GAREM1: variants seen among roughly 807,000 people sequenced by gnomAD.
The protein encoded by GAREM1 is GRB2 associated regulator of MAPK1 subtype 1.
A neutral mutation model predicts 71.3 loss-of-function variants in GAREM1; 26 were observed. The ratio of observed to expected loss-of-function variants is 0.36; its 90% CI spans 0.27 to 0.51. The LOEUF (loss-of-function observed/expected upper bound fraction) is 0.51, where lower values mean the gene tolerates loss of function less well. Ranked by LOEUF, GAREM1 falls within the 20% of genes least tolerant of loss-of-function variation. The pLI is 0.95. For missense variants in GAREM1, 1,026 were observed against 1,103.1 expected, an observed-to-expected ratio of 0.93 and a Z score of 0.99; for synonymous variants, 440 against 433.2, an observed-to-expected ratio of 1.02 and a Z score of -0.20.
chr18:32,343,311 G>GTTTTTTTGTTTTTTTTTTTTTTTTTTTTT (rs2047664721), intron 2 of GAREM1, among the ~76,000 whole-genome samples: 2 of 118,884 alleles, frequency 1.7e-5, no homozygotes, highest in African/African-American at 6.7e-5. Context: ...CTCCCCCACT[G>GTTTTTTTGTTTTTTTTTTTTTTTTTTTTT]TTTTTTTTTT....
At chr18:32,417,772 CA>C (rs886958824) in intron 1 of GAREM1, among the ~76,000 whole-genome samples, 2 of 150,702 alleles carry the variant, frequency 1.3e-5, no homozygotes, top group Non-Finnish European at 3.0e-5. Context: ...TGGACACACA[CA>C]AAAAAAGTAA....
chr18:32,286,963 A>T, intron 4 of GAREM1, 68 bp downstream of exon 4: 1 of 1,191,458 alleles, frequency 8.4e-7, no homozygotes, highest in Non-Finnish European at 1.2e-6. Flanking sequence ...TTAAGAAAAT[A>T]AATTAGTGGA....
intron 1 of GAREM1, among the ~76,000 whole-genome samples, chr18:32,461,327 T>C (rs2048952237): frequency 6.6e-6 from 1 of 152,130 alleles, no homozygotes; most frequent in Non-Finnish European, 1.5e-5. Context: ...GAAATTCAAG[T>C]AAGCAATTCT....
At chr18:32,451,904 C>T (rs892636751) in intron 1 of GAREM1, among the ~76,000 whole-genome samples, 1 of 152,190 alleles carries the variant, frequency 6.6e-6, no homozygotes, top group Non-Finnish European at 1.5e-5. Context: ...GATGCAGTGA[C>T]AGAGCCAGCT....
intron 4 of GAREM1, among the ~76,000 whole-genome samples, chr18:32,286,360 A>T (rs972315372): frequency 1.6e-5 from 2 of 127,056 alleles, no homozygotes; most frequent in African/African-American, 6.5e-5. Context: ...GTGTGTGTGT[A>T]TAATACATTA....
chr18:32,315,536 G>GATAT (rs10638609), intron 2 of GAREM1, among the ~76,000 whole-genome samples: 8 of 145,192 alleles, frequency 5.5e-5, no homozygotes, highest in African/African-American at 1.3e-4. Flanking sequence ...TATAAAAGTA[G>GATAT]ATATATATAT....
chr18:32,459,057 C>T (rs977257639), intron 1 of GAREM1, among the ~76,000 whole-genome samples: 1 of 151,990 alleles, frequency 6.6e-6, no homozygotes, highest in Admixed American at 6.6e-5. Flanking sequence ...AACAGAATTC[C>T]ATTCAGTCAC....
intron 1 of GAREM1, among the ~76,000 whole-genome samples, chr18:32,400,796 C>G (rs1004765280): frequency 1.3e-5 from 2 of 152,118 alleles, no homozygotes; most frequent in Non-Finnish European, 2.9e-5. Flanking sequence ...ACTAGAAATA[C>G]CATTTGACCC....
intron 1 of GAREM1, among the ~76,000 whole-genome samples, chr18:32,395,649 A>G (rs2048246169): frequency 6.6e-6 from 1 of 152,212 alleles, no homozygotes; most frequent in African/African-American, 2.4e-5. Flanking sequence ...CTTGAGAGTG[A>G]GGTGGGTTCA....
intron 1 of GAREM1, among the ~76,000 whole-genome samples, chr18:32,405,000 T>C (rs2048352762): frequency 6.6e-6 from 1 of 152,212 alleles, no homozygotes; most frequent in Admixed American, 6.5e-5. Context: ...GCACTTAATA[T>C]AAATTTAAGA....
chr18:32,430,636 A>G (rs1024563447), intron 1 of GAREM1, among the ~76,000 whole-genome samples: 11 of 152,250 alleles, frequency 7.2e-5, no homozygotes, highest in African/African-American at 2.7e-4. Flanking sequence ...AAAAGTACAC[A>G]GCAGCCAGGA....
chr18:32,339,753 G>T (rs7236432), intron 2 of GAREM1, among the ~76,000 whole-genome samples: 11,107 of 152,246 alleles, frequency 0.073, 623 homozygotes, highest in African/African-American at 0.15. Context: ...CTTCCCAAAT[G>T]AAAGTCAAAA....
chr18:32,382,195 C>T (rs1187811200), intron 2 of GAREM1, among the ~76,000 whole-genome samples: 1 of 152,098 alleles, frequency 6.6e-6, no homozygotes, highest in Non-Finnish European at 1.5e-5. Flanking sequence ...TAGGACTGTC[C>T]TCAAGGAGCC....
At chr18:32,298,544 G>A (rs779830740) in intron 3 of GAREM1, among the ~76,000 whole-genome samples, 3 of 152,018 alleles carry the variant, frequency 2.0e-5, no homozygotes, top group Non-Finnish European at 4.4e-5. Context: ...GTCTGATCCA[G>A]GAAACTATCA....
chr18:32,374,467 T>C (rs1032194650), intron 2 of GAREM1, among the ~76,000 whole-genome samples: 3 of 152,258 alleles, frequency 2.0e-5, no homozygotes, highest in East Asian at 3.8e-4. Context: ...GCTGCACTGA[T>C]AGTAATCAAG....
At chr18:32,289,449 TTATC>T (rs1373422730) in intron 3 of GAREM1, among the ~76,000 whole-genome samples, 2 of 152,228 alleles carry the variant, frequency 1.3e-5, no homozygotes, top group Non-Finnish European at 2.9e-5. Context: ...TTTTCAGTAT[TTATC>T]TAATTATTTA....
intron 2 of GAREM1, among the ~76,000 whole-genome samples, chr18:32,364,451 GCA>G (rs992153228): frequency 6.6e-6 from 1 of 151,814 alleles, no homozygotes; most frequent in Non-Finnish European, 1.5e-5. Flanking sequence ...GTGCGTGCAT[GCA>G]CACAGAGCAT....
intron 1 of GAREM1, among the ~76,000 whole-genome samples, chr18:32,463,927 T>C (rs1412667400): frequency 6.8e-6 from 1 of 146,282 alleles, no homozygotes; most frequent in South Asian, 2.3e-4. Flanking sequence ...CTAACCATTA[T>C]ACAACTATAG....
chr18:32,409,709 A>T (rs2144682056), intron 1 of GAREM1, among the ~76,000 whole-genome samples: 1 of 152,332 alleles, frequency 6.6e-6, no homozygotes, highest in East Asian at 1.9e-4. Flanking sequence ...TGCCTACTTA[A>T]TTCAAATCTG....
Sources: allele counts gnomAD v4.1 joint callset (sites outside exome capture counted in the v4.1 genomes callset), GRCh38; gene constraint gnomAD v4.1.1; transcripts MANE v1.5; gene names NCBI Gene and HGNC (gene_info 2026-07-23, HGNC 2026-07-21).